The following SLC67A2 variants were observed in gnomAD, a reference collection of about 807,000 sequenced individuals.
SLC67A2 encodes the protein solute carrier family 67 member 2.
At chr2:102,715,496 G>A in the SLC67A2 span, among the ~76,000 whole-genome samples, 1 of 152,078 alleles carries the variant, frequency 6.6e-6, no homozygotes, top group African/African-American at 2.4e-5. Context: ...TTGGAGCCTT[G>A]CAGGTGACTC....
chr2:102,729,100 G>A, the SLC67A2 span, among the ~76,000 whole-genome samples: 2 of 152,238 alleles, frequency 1.3e-5, no homozygotes, highest in East Asian at 1.9e-4. Flanking sequence ...ATTAAAATAT[G>A]TGCTTACAGA....
At chr2:102,723,269 A>AGACCAACCT in the SLC67A2 span, among the ~76,000 whole-genome samples, 1 of 152,224 alleles carries the variant, frequency 6.6e-6, no homozygotes, top group Non-Finnish European at 1.5e-5. Flanking sequence ...CAGGAGTTCG[A>AGACCAACCT]GACCAACCTG....
chr2:102,721,138 G>A, the SLC67A2 span, among the ~76,000 whole-genome samples: 1 of 152,224 alleles, frequency 6.6e-6, no homozygotes, highest in African/African-American at 2.4e-5. Flanking sequence ...ATAGGCTTAA[G>A]ATAGGGCAAC....
chr2:102,732,066 TA>T, the SLC67A2 span: 2 of 608,060 alleles, frequency 3.3e-6, no homozygotes, highest in African/African-American at 3.7e-5. Context: ...GCTCCATAAG[TA>T]CCTGTTGCCA....
chr2:102,736,247 G>A, the SLC67A2 span, among the ~76,000 whole-genome samples: 5 of 152,052 alleles, frequency 3.3e-5, no homozygotes, highest in African/African-American at 1.2e-4. Context: ...TGGTAAAAAG[G>A]CTTGCGTGTC....
chr2:102,717,957 T>C, the SLC67A2 span: 2,330 of 158,340 alleles, frequency 0.015, 60 homozygotes, highest in African/African-American at 0.052. Context: ...TCCTAGTGTA[T>C]GGAATTTAAC....
chr2:102,733,143 G>C, the SLC67A2 span, among the ~76,000 whole-genome samples: 1 of 152,170 alleles, frequency 6.6e-6, no homozygotes, highest in Non-Finnish European at 1.5e-5. Flanking sequence ...TCAGTTCTGG[G>C]GATAAGGACA....
the SLC67A2 span, among the ~76,000 whole-genome samples, chr2:102,731,277 A>G: frequency 2.6e-5 from 4 of 152,174 alleles, no homozygotes; most frequent in African/African-American, 9.7e-5. Flanking sequence ...TTTCTAACAA[A>G]AGGTTTTCAA....
the SLC67A2 span, chr2:102,718,349 C>G: frequency 6.4e-7 from 1 of 1,559,446 alleles, no homozygotes; most frequent in Non-Finnish European, 8.7e-7. Flanking sequence ...TCCAAAGTGC[C>G]CTTTTCATCA....
the SLC67A2 span, chr2:102,732,472 T>A: frequency 7.8e-7 from 1 of 1,280,776 alleles, no homozygotes; most frequent in Admixed American, 2.3e-5. Context: ...AACCTAAAAA[T>A]TTAAACTAAT....
chr2:102,730,835 C>T, the SLC67A2 span, among the ~76,000 whole-genome samples: 8 of 152,214 alleles, frequency 5.3e-5, no homozygotes, highest in Admixed American at 2.6e-4. Flanking sequence ...AGGCGTGAGC[C>T]ACCGCGCCCA....
At chr2:102,725,932 C>A in the SLC67A2 span, among the ~76,000 whole-genome samples, 1 of 152,114 alleles carries the variant, frequency 6.6e-6, no homozygotes, top group African/African-American at 2.4e-5. Context: ...GCAAAGCCTG[C>A]CAGTGCTCTG....
chr2:102,718,653 G>A, the SLC67A2 span: 1 of 1,613,922 alleles, frequency 6.2e-7, no homozygotes, highest in Non-Finnish European at 8.5e-7. Context: ...GTCAGCTGGA[G>A]GTCCGTGATG....
chr2:102,721,151 A>G, the SLC67A2 span, among the ~76,000 whole-genome samples: 1 of 152,234 alleles, frequency 6.6e-6, no homozygotes, highest in Admixed American at 6.5e-5. Context: ...AGGGCAACAT[A>G]TTAAATGGCA....
chr2:102,732,551 C>T, the SLC67A2 span: 1 of 655,564 alleles, frequency 1.5e-6, no homozygotes, highest in Non-Finnish European at 2.5e-6. Context: ...CATAGCATGC[C>T]ATACAAATCC....
chr2:102,716,625 C>T, the SLC67A2 span: 6 of 152,108 alleles, frequency 3.9e-5, no homozygotes, highest in Non-Finnish European at 8.8e-5. Flanking sequence ...GATTTTACTC[C>T]ATGACTTCTA....
At chr2:102,715,662 T>A in the SLC67A2 span, among the ~76,000 whole-genome samples, 1 of 152,056 alleles carries the variant, frequency 6.6e-6, no homozygotes, top group Non-Finnish European at 1.5e-5. Context: ...GACACTTCCT[T>A]CAAAGACATT....
the SLC67A2 span, among the ~76,000 whole-genome samples, chr2:102,726,096 AAAATGTTAAAAACAGTCCAG>A: frequency 6.6e-6 from 1 of 152,244 alleles, no homozygotes; most frequent in Non-Finnish European, 1.5e-5. Flanking sequence ...AAGCTAGTTC[AAAATGTTAAAAACAGTCCAG>A]ACGAGCCTGG....
the SLC67A2 span, among the ~76,000 whole-genome samples, chr2:102,720,721 C>A: frequency 6.6e-6 from 1 of 152,158 alleles, no homozygotes. Flanking sequence ...GGGATTTGAA[C>A]CTGAGTCTGT....
Sources: gnomAD v4.1 joint callset for allele counts (sites outside exome capture counted in the v4.1 genomes callset) on GRCh38, gnomAD v4.1.1 for gene constraint, MANE v1.5 for transcripts, NCBI Gene and HGNC (gene_info 2026-07-23, HGNC 2026-07-21) for gene names.